Variants in GCH1 observed in about 807,000 individuals in gnomAD.
GCH1 encodes GTP cyclohydrolase I.
A neutral mutation model predicts 25.9 loss-of-function variants in GCH1; 5 were observed. The ratio of observed to expected loss-of-function variants is 0.19; its 90% CI spans 0.10 to 0.41. GCH1 has a LOEUF of 0.41. Among genes scored for constraint, GCH1 ranks in the 10% least tolerant of loss-of-function variants. The probability of loss-of-function intolerance (pLI) is 1.00; values close to 1 mark genes in which losing one functional copy is unlikely to be tolerated. For synonymous variants in GCH1, 159 were observed against 129.6 expected (o/e 1.23, Z -1.54); for missense variants, 261 against 336.5 (o/e 0.78, Z 1.75).
intron 1 of GCH1, among the ~76,000 whole-genome samples, chr14:54,902,110 G>A (rs925084538): frequency 9.2e-5 from 14 of 152,188 alleles, no homozygotes; most frequent in African/African-American, 3.4e-4. Flanking sequence ...GAGTTCCGGG[G>A]CTGAGAGGTC....
At chr14:54,899,699 A>G (rs772351336) in intron 1 of GCH1, among the ~76,000 whole-genome samples, 32 of 152,272 alleles carry the variant, frequency 2.1e-4, no homozygotes, top group Admixed American at 5.2e-4. Context: ...ATCCAGTGGC[A>G]TTCACAATAT....
chr14:54,897,076 C>T (rs183404852), intron 1 of GCH1, among the ~76,000 whole-genome samples: 3,224 of 126,156 alleles, frequency 0.026, 55 homozygotes, highest in Admixed American at 0.036. Flanking sequence ...GTGGCACAAT[C>T]TCGGCTCACT....
chr14:54,853,170 G>C (rs1164189756), intron 3 of GCH1, among the ~76,000 whole-genome samples: 2 of 152,058 alleles, frequency 1.3e-5, no homozygotes, highest in Non-Finnish European at 2.9e-5. Flanking sequence ...CACCATGCTG[G>C]TCAGGCTGGT....
intron 1 of GCH1, among the ~76,000 whole-genome samples, chr14:54,891,854 T>G (rs1478071656): frequency 6.6e-6 from 1 of 152,188 alleles, no homozygotes; most frequent in Non-Finnish European, 1.5e-5. Flanking sequence ...AGTATCCATC[T>G]CAGTGATCAA....
intron 1 of GCH1, among the ~76,000 whole-genome samples, chr14:54,872,556 T>C (rs1005365229): frequency 1.3e-5 from 2 of 152,074 alleles, no homozygotes; most frequent in African/African-American, 4.8e-5. Context: ...GAATGGCAAA[T>C]TGGATAAAAA....
intron 1 of GCH1, among the ~76,000 whole-genome samples, chr14:54,890,965 C>T (rs964803304): frequency 1.3e-4 from 20 of 152,198 alleles, no homozygotes; most frequent in Non-Finnish European, 5.9e-5. Flanking sequence ...CAACAATCAT[C>T]TTTGTTTCCC....
intron 1 of GCH1, among the ~76,000 whole-genome samples, chr14:54,901,004 T>TAA (rs36095464): frequency 6.6e-6 from 1 of 151,746 alleles, no homozygotes; most frequent in South Asian, 2.1e-4. Flanking sequence ...AATTGAGGGG[T>TAA]AAAAAAAAGT....
rs578096921 is a variant in GCH1 at position 54,869,416 on chromosome 14, G to T, written c.344-3980C>A. Among the ~76,000 whole-genome samples the T allele has an allele frequency of 1.7e-4, 26 of 152,278 alleles. No individual in the cohort carries two copies. The South Asian group carries it at 4.8e-3, about 28-fold the overall frequency. On this transcript the variant is annotated intron_variant, in intron 1 of 5. Transcript: ENST00000491895. ...AACATCAGGAGAAACTGGGGAAAGG[G>T]TATATGAAAACTCTCTCTACTATCT...
intron 1 of GCH1, among the ~76,000 whole-genome samples, chr14:54,892,117 T>C (rs1324011209): frequency 6.6e-6 from 1 of 152,172 alleles, no homozygotes; most frequent in African/African-American, 2.4e-5. Flanking sequence ...TTCATGCTAG[T>C]ATTGTTATTG....
intron 1 of GCH1, among the ~76,000 whole-genome samples, chr14:54,892,668 G>A (rs893025079): frequency 8.5e-5 from 13 of 152,068 alleles, no homozygotes; most frequent in African/African-American, 2.7e-4. Context: ...CAGCCTGGGC[G>A]GAAGAGCAAG....
At chr14:54,850,977 C>T (rs1418814462) in intron 3 of GCH1, among the ~76,000 whole-genome samples, 1 of 152,168 alleles carries the variant, frequency 6.6e-6, no homozygotes, top group Non-Finnish European at 1.5e-5. Context: ...TACCTGACTT[C>T]AAACTATACT....
intron 1 of GCH1, chr14:54,885,914 A>C (rs977660562): frequency 1.2e-4 from 22 of 191,280 alleles, no homozygotes; most frequent in African/African-American, 1.7e-4. Context: ...ACAACAACAA[A>C]AAAAAACGGG....
chr14:54,847,673 T>C (rs1020042158), intron 3 of GCH1, among the ~76,000 whole-genome samples: 12 of 151,574 alleles, frequency 7.9e-5, no homozygotes, highest in African/African-American at 2.4e-4. Context: ...CCTTTATATA[T>C]ATATATATAT....
intron 3 of GCH1, among the ~76,000 whole-genome samples, chr14:54,858,467 G>C (rs1037086648): frequency 6.6e-6 from 1 of 151,972 alleles, no homozygotes; most frequent in African/African-American, 2.4e-5. Context: ...TGTATTTTTA[G>C]TAGAGATGGG....
chr14:54,872,367 C>A (rs1341875788), intron 1 of GCH1, among the ~76,000 whole-genome samples: 2 of 152,130 alleles, frequency 1.3e-5, no homozygotes, highest in Non-Finnish European at 2.9e-5. Context: ...TGGAAAGGAA[C>A]AACCGGTACC....
intron 1 of GCH1, among the ~76,000 whole-genome samples, chr14:54,887,362 G>A (rs925823036): frequency 1.3e-5 from 2 of 152,180 alleles, no homozygotes; most frequent in Non-Finnish European, 2.9e-5. Context: ...ATTTAGTGAG[G>A]TCTTTAGACC....
intron 2 of GCH1, among the ~76,000 whole-genome samples, chr14:54,860,170 A>C (rs2039873135): frequency 6.6e-6 from 1 of 152,190 alleles, no homozygotes; most frequent in Non-Finnish European, 1.5e-5. Flanking sequence ...TGCTTGAAAA[A>C]GAGCCATGTC....
chr14:54,895,823 C>T (rs2040476336), intron 1 of GCH1, among the ~76,000 whole-genome samples: 1 of 152,194 alleles, frequency 6.6e-6, no homozygotes, highest in Non-Finnish European at 1.5e-5. Flanking sequence ...TCCTCCAGCC[C>T]TCCCTCCTAG....
At chr14:54,850,809 C>T (rs1280038336) in intron 3 of GCH1, among the ~76,000 whole-genome samples, 1 of 152,168 alleles carries the variant, frequency 6.6e-6, no homozygotes, top group Admixed American at 6.5e-5. Flanking sequence ...GACATGAACT[C>T]ATCTTTTGTT....
Sources: allele counts gnomAD v4.1 joint callset (sites outside exome capture counted in the v4.1 genomes callset), GRCh38; gene constraint gnomAD v4.1.1; transcripts MANE v1.5; gene names NCBI Gene and HGNC (gene_info 2026-07-23, HGNC 2026-07-21).